The following STXBP4 variants were observed in gnomAD, a reference collection of about 807,000 sequenced individuals.
STXBP4 encodes the protein syntaxin binding protein 4.
STXBP4 carries 55 observed loss-of-function variants against 76.1 expected under a neutral mutation model. That is an observed-to-expected ratio of 0.72 (90% CI 0.58 to 0.91). The LOEUF (loss-of-function observed/expected upper bound fraction) is 0.91. Among genes scored for constraint, STXBP4 ranks in the 40% least tolerant of loss-of-function variants. The pLI is 0.00. For missense variants in STXBP4, 618 were observed against 636.9 expected (o/e 0.97, Z 0.32); for synonymous variants, 201 against 220.2 (o/e 0.91, Z 0.77).
At chr17:55,017,388 C>G (rs1347358101) in intron 8 of STXBP4, among the ~76,000 whole-genome samples, 2 of 152,094 alleles carry the variant, frequency 1.3e-5, no homozygotes, top group Non-Finnish European at 2.9e-5. Flanking sequence ...GGACAAGACA[C>G]CAGGGACAAG....
At chr17:55,174,939 G>A (rs370048530), downstream of STXBP4, among the ~76,000 whole-genome samples, 9 of 152,022 alleles carry the variant, frequency 5.9e-5, no homozygotes, top group African/African-American at 1.9e-4. Flanking sequence ...CAGGAGAACG[G>A]CGTGAACCTG....
chr17:54,977,087 C>A (rs939531478), intron 1 of STXBP4, among the ~76,000 whole-genome samples: 13 of 152,288 alleles, frequency 8.5e-5, no homozygotes, highest in African/African-American at 3.1e-4. Context: ...ATACTCCTTT[C>A]AGTGATTGGT....
intron 12 of STXBP4, among the ~76,000 whole-genome samples, chr17:55,062,624 T>C (rs1289583860): frequency 2.6e-5 from 4 of 152,172 alleles, no homozygotes; most frequent in Admixed American, 6.5e-5. Flanking sequence ...AGTAATGAGA[T>C]TGCTGGGTCA....
chr17:55,071,400 T>A (rs191531989), intron 12 of STXBP4, among the ~76,000 whole-genome samples: 3 of 152,268 alleles, frequency 2.0e-5, no homozygotes, highest in Admixed American at 2.0e-4. Context: ...CTACACTGGC[T>A]TCCTTGCTGT....
the STXBP4 span, among the ~76,000 whole-genome samples, chr17:55,192,291 C>T: frequency 6.6e-6 from 1 of 152,146 alleles, no homozygotes; most frequent in Non-Finnish European, 1.5e-5. Flanking sequence ...AGTAAATAAA[C>T]TCACAGGTAT....
chr17:55,033,106 A>T (rs1210937498), intron 9 of STXBP4, among the ~76,000 whole-genome samples: 1 of 152,056 alleles, frequency 6.6e-6, no homozygotes, highest in Non-Finnish European at 1.5e-5. Context: ...AGGTGCAGTG[A>T]CTCACACCTG....
intron 16 of STXBP4, among the ~76,000 whole-genome samples, chr17:55,127,441 A>C (rs2079924899): frequency 6.6e-6 from 1 of 152,332 alleles, no homozygotes; most frequent in East Asian, 1.9e-4. Flanking sequence ...GCATGTTTTC[A>C]ATGGTCTTTC....
chr17:55,150,506 C>T lies in STXBP4; in HGVS notation c.1547+9139C>T, dbSNP rs79707754. Among the ~76,000 whole-genome samples, 38 of 152,340 alleles carry T rather than the reference C, an allele frequency of 2.5e-4. 1 individual carries two copies. The East Asian group carries it at 7.3e-3, about 29-fold the overall frequency. On this transcript the variant is annotated intron_variant, in intron 17 of 17. Transcript: ENST00000376352. ...GCCACGCTGGGGTTTGGAGATTCAA[C>T]ATATGAATTTAGGAGGGACATAGTT...
chr17:55,046,258 G>T (rs2078786119), intron 11 of STXBP4, among the ~76,000 whole-genome samples: 1 of 151,884 alleles, frequency 6.6e-6, no homozygotes, highest in Non-Finnish European at 1.5e-5. Flanking sequence ...GGCTCCTGTG[G>T]CATAGTCATT....
intron 17 of STXBP4, among the ~76,000 whole-genome samples, chr17:55,152,177 A>G (rs1291149002): frequency 6.6e-6 from 1 of 152,214 alleles, no homozygotes; most frequent in Non-Finnish European, 1.5e-5. Context: ...ATAGTAATGT[A>G]TCAGTGAAAT....
At chr17:55,211,489 T>C in the STXBP4 span, among the ~76,000 whole-genome samples, 6 of 152,230 alleles carry the variant, frequency 3.9e-5, no homozygotes, top group Admixed American at 1.3e-4. Context: ...TTCTCTTTCC[T>C]GTTATTTGTA....
intron 16 of STXBP4, among the ~76,000 whole-genome samples, chr17:55,106,865 A>G (rs1312579679): frequency 3.3e-5 from 5 of 152,114 alleles, no homozygotes; most frequent in Non-Finnish European, 7.4e-5. Context: ...GCTGCCCTTA[A>G]CATTGTTTCC....
intron 3 of STXBP4, 146 bp from the exon 4 acceptor site, chr17:54,990,679 G>T: frequency 1.1e-6 from 1 of 881,350 alleles, no homozygotes; most frequent in Non-Finnish European, 1.6e-6. Context: ...TGGAAAAATT[G>T]TCTTCCATGA....
In STXBP4 at chr17:55,163,016, T is replaced by C. The variant is rs1487090422; in HGVS notation, c.*3105T>C. On this transcript the variant is annotated 3_prime_UTR_variant, in exon 18 of 18. Transcript: ENST00000376352. Reference sequence around the variant, plus strand: ...CTCATGTATCTTTGCACTCTTGTGCTAGTATGTCTATAGTGTGAATACATT... The same window carrying C: ...CTCATGTATCTTTGCACTCTTGTGCCAGTATGTCTATAGTGTGAATACATT... 1 of 152,234 alleles carries C rather than the reference T, an allele frequency of 6.6e-6. No individual in the cohort carries two copies. Among genetic ancestry groups the C allele is most frequent in the African/African-American group, 2.4e-5 (1 of 41,460 alleles). The allele number at this position is 152,234 out of a possible 1,614,324, so 9.4% of individuals were successfully genotyped here.
chr17:55,086,189 G>A (rs1194320224), intron 16 of STXBP4, among the ~76,000 whole-genome samples: 2 of 151,988 alleles, frequency 1.3e-5, no homozygotes, highest in Non-Finnish European at 2.9e-5. Flanking sequence ...TTTCCCCAAT[G>A]ATACTCAGTA....
intron 1 of STXBP4, among the ~76,000 whole-genome samples, chr17:54,981,853 T>C (rs752399214): frequency 2.0e-5 from 3 of 152,024 alleles, no homozygotes; most frequent in Non-Finnish European, 4.4e-5. Context: ...TAACGATAAA[T>C]AGAAGAATTG....
chr17:55,093,105 G>A (rs1026150642), intron 16 of STXBP4, among the ~76,000 whole-genome samples: 2 of 151,674 alleles, frequency 1.3e-5, no homozygotes, highest in Non-Finnish European at 2.9e-5. Context: ...AGCGATTCTC[G>A]TGCCTCAGCT....
intron 16 of STXBP4, among the ~76,000 whole-genome samples, chr17:55,133,923 T>C (rs753756060): frequency 2.0e-5 from 3 of 152,026 alleles, no homozygotes; most frequent in Non-Finnish European, 2.9e-5. Flanking sequence ...TTTGTAAGGT[T>C]TAGTTATAAA....
At position 55,123,629 on chromosome 17, in the gene STXBP4, G is replaced by A. The variant is rs531947495; in HGVS notation, c.1490-17681G>A. Among the ~76,000 whole-genome samples the A allele has an allele frequency of 2.2e-3, 334 of 152,194 alleles. 1 individual carries two copies. Among genetic ancestry groups the A allele is most frequent in the Non-Finnish European group, 3.2e-3 (217 of 68,000 alleles). Reference sequence around the variant, plus strand: ...AAATAGAATAGGATGGGCCAGGTGCGGTGGCTCATGCCTGTAATCCCAGCA... The same window carrying A: ...AAATAGAATAGGATGGGCCAGGTGCAGTGGCTCATGCCTGTAATCCCAGCA... On this transcript the variant is annotated intron_variant, in intron 16 of 17. Coordinates refer to ENST00000376352, the MANE Select transcript of STXBP4 (RefSeq NM_178509.6).
Sources: allele counts gnomAD v4.1 joint callset (sites outside exome capture counted in the v4.1 genomes callset), GRCh38; gene constraint gnomAD v4.1.1; transcripts MANE v1.5; gene names NCBI Gene and HGNC (gene_info 2026-07-23, HGNC 2026-07-21).